Variants in PTPRS observed in about 807,000 individuals in gnomAD.
PTPRS encodes receptor-type tyrosine-protein phosphatase S.
In PTPRS, 63 loss-of-function variants were observed where a neutral mutation model predicts 215.3. That is an observed-to-expected ratio of 0.29 (90% CI 0.24 to 0.36). PTPRS has a LOEUF of 0.36. Among genes scored for constraint, PTPRS ranks in the 10% least tolerant of loss-of-function variants. The pLI, the probability that PTPRS is intolerant of heterozygous loss-of-function variation, is 1.00. For synonymous variants in PTPRS, 1,404 were observed against 1,191.4 expected, an observed-to-expected ratio of 1.18 and a Z score of -3.68; for missense variants, 2,258 against 2,825.8, an observed-to-expected ratio of 0.80 and a Z score of 4.56.
At position 5,228,370 on chromosome 19, in the gene PTPRS, G is replaced by A. The variant is rs2042707325; in HGVS notation, c.2376+946C>T. The stretch of plus-strand genomic sequence containing the variant: ...GAGAAAAAAAAAAAAAAAAGAGACA[G>A]GGTCTCCCTCTGCTGACCAGGCTGG... On this transcript the variant is annotated intron_variant, in intron 16 of 37. Transcript: ENST00000262963. Among the ~76,000 whole-genome samples the A allele has an allele frequency of 3.5e-5, 4 of 115,458 alleles. No individual in the cohort carries two copies. In the South Asian group the frequency reaches 9.8e-4, roughly 28 times the overall value. 75.7% of individuals were successfully genotyped at this position (115,458 alleles called of 152,430 possible). A position where few individuals can be genotyped will look rare whatever the true frequency, so the allele number is the denominator to read the frequency against.
At chr19:5,225,022 G>A (rs1287000852) in intron 17 of PTPRS, among the ~76,000 whole-genome samples, 1 of 151,588 alleles carries the variant, frequency 6.6e-6, no homozygotes, top group Non-Finnish European at 1.5e-5. Context: ...CACCCCCCAA[G>A]TCTTTTTCTG....
At chr19:5,277,055 G>GTTT (rs2047433954) in intron 2 of PTPRS, among the ~76,000 whole-genome samples, 1 of 107,380 alleles carries the variant, frequency 9.3e-6, no homozygotes, top group Admixed American at 1.2e-4. Context: ...GCTGAGTTTT[G>GTTT]TGTTTTTTTT....
intron 1 of PTPRS, among the ~76,000 whole-genome samples, chr19:5,326,059 T>C (rs1244775476): frequency 6.6e-6 from 1 of 152,090 alleles, no homozygotes; most frequent in Non-Finnish European, 1.5e-5. Context: ...GGTGAAACGC[T>C]GTCACTACCA....
rs2042834568 is a variant in PTPRS at position 5,229,532 on chromosome 19, C to T, written c.2308G>A (p.Gly770Arg). The change falls in exon 15 of 38, where the codon GGG (glycine) becomes AGG (arginine). Residue 770 changes from glycine (G) to arginine (R), a missense_variant. Physicochemically the swap from Gly to Arg is moderately radical, Grantham distance 125. Transcript: ENST00000262963. ...YVRMEGAEAR[G>R]PPRIKDVMLA... ...ATGACGTCCTTGATGCGCGGCGGCC[C>T]GCGGGCCTCGGCGCCCTCCATGCGC... The T allele has an allele frequency of 1.4e-6, 2 of 1,465,120 alleles. No individual in the cohort carries two copies. The highest frequency in any genetic ancestry group is 2.7e-5 in the South Asian group (2 of 74,922). The allele number at this position is 1,465,120 out of a possible 1,614,324, so 90.8% of individuals were successfully genotyped here.
intron 9 of PTPRS, among the ~76,000 whole-genome samples, chr19:5,251,221 C>T (rs1023875246): frequency 6.6e-6 from 1 of 152,068 alleles, no homozygotes; most frequent in African/African-American, 2.4e-5. Flanking sequence ...CCTCAGCCCA[C>T]CTGCGTATTT....
At chr19:5,305,771 T>A (rs1179896847) in intron 1 of PTPRS, among the ~76,000 whole-genome samples, 95 of 114,526 alleles carry the variant, frequency 8.3e-4, no homozygotes, top group Middle Eastern at 5.0e-3. Context: ...ATATATTTTT[T>A]TTTTAAAGGC....
chr19:5,299,288 CT>C lies in PTPRS; in HGVS notation c.-94-13055del, dbSNP rs372816131. On this transcript the variant is annotated intron_variant, in intron 1 of 37. Transcript: ENST00000262963. Reference sequence around the variant, plus strand: ...GCCCTCCATTCCTCCCTCTCTCCCCCTCACTCTGCTCCAGCTACATGGGCCT... The same window carrying C: ...GCCCTCCATTCCTCCCTCTCTCCCCCCACTCTGCTCCAGCTACATGGGCCT... Among the ~76,000 whole-genome samples, 410 of 152,378 alleles carry C rather than the reference CT, an allele frequency of 2.7e-3. 5 individuals are homozygous for C. The highest frequency in any genetic ancestry group is 9.5e-3 in the African/African-American group (395 of 41,590).
chr19:5,236,594 T>G (rs1273872869), intron 13 of PTPRS, among the ~76,000 whole-genome samples: 1 of 152,192 alleles, frequency 6.6e-6, no homozygotes, highest in Non-Finnish European at 1.5e-5. Context: ...TACTGAGTAC[T>G]TACTATGGAC....
chr19:5,231,998 GA>G (rs1237435365), intron 13 of PTPRS, among the ~76,000 whole-genome samples: 1 of 152,212 alleles, frequency 6.6e-6, no homozygotes, highest in Non-Finnish European at 1.5e-5. Context: ...GTGCCAAGGG[GA>G]ATAGCAACAG....
chr19:5,255,597 A>G (rs1013680922), intron 9 of PTPRS, among the ~76,000 whole-genome samples: 1 of 152,142 alleles, frequency 6.6e-6, no homozygotes, highest in Non-Finnish European at 1.5e-5. Context: ...AAAAAAGAAA[A>G]AAAAAAGAAA....
chr19:5,277,899 G>T, intron 2 of PTPRS: 1 of 1,222,494 alleles, frequency 8.2e-7, no homozygotes, highest in African/African-American at 1.5e-5. Flanking sequence ...AGATCTTGAT[G>T]CCCAACAGTG....
intron 1 of PTPRS, among the ~76,000 whole-genome samples, chr19:5,311,376 ACT>A (rs2049696824): frequency 6.6e-6 from 1 of 151,790 alleles, no homozygotes. Context: ...CTTCTCCGTC[ACT>A]CTGTTCCCAA....
chr19:5,318,376 T>C (rs1600112585), intron 1 of PTPRS, among the ~76,000 whole-genome samples: 1 of 149,438 alleles, frequency 6.7e-6, no homozygotes, highest in Admixed American at 6.7e-5. Context: ...GATGGAATGA[T>C]GACCGTGAAA....
intron 16 of PTPRS, 73 bp from the exon 17 acceptor site, chr19:5,225,917 T>C: frequency 7.8e-7 from 1 of 1,278,284 alleles, no homozygotes; most frequent in Non-Finnish European, 1.1e-6. Flanking sequence ...CTCCCCGTGC[T>C]GAGAACAAGC....
intron 1 of PTPRS, among the ~76,000 whole-genome samples, chr19:5,329,179 G>T (rs1160244174): frequency 6.6e-6 from 1 of 152,180 alleles, no homozygotes; most frequent in Non-Finnish European, 1.5e-5. Flanking sequence ...AGGCCTGGAG[G>T]TGGAAACAGG....
rs1354420865 is a variant in PTPRS, at chr19:5,216,508, TACACACCACAC to T, written c.4096+201_4096+211del. On this transcript the variant is annotated intron_variant, in intron 26 of 37. Coordinates refer to ENST00000262963, the MANE Select transcript of PTPRS (RefSeq NM_002850.4). ...CTCACCCACATCCCTGACACACACA[TACACACCACAC>T]ACACAGCAGTCACACACAGCCACCT... Among the ~76,000 whole-genome samples the T allele has an allele frequency of 4.9e-5, 7 of 143,766 alleles. No homozygotes were observed. In the East Asian group the frequency reaches 1.4e-3, roughly 28 times the overall value. 94.3% of individuals were successfully genotyped at this position (143,766 alleles called of 152,430 possible). A position where few individuals can be genotyped will look rare whatever the true frequency, so the allele number is the denominator to read the frequency against.
In PTPRS at chr19:5,257,494, G is replaced by A. The variant is rs1004781449; in HGVS notation, c.706+523C>T. 1.3e-5 allele frequency: 6 copies of A among 455,872 alleles called. No homozygotes were observed. Among genetic ancestry groups the A allele is most frequent in the African/African-American group, 6.0e-5 (3 of 50,052 alleles). 28.2% of individuals were successfully genotyped at this position (455,872 alleles called of 1,614,324 possible). A position where few individuals can be genotyped will look rare whatever the true frequency, so the allele number is the denominator to read the frequency against. On this transcript the variant is annotated intron_variant, in intron 8 of 37. Transcript: ENST00000262963. This position sits in a 1 kb window ranked among gnomAD's most constrained non-coding sequence, Gnocchi z 4.4. ...CGGACCAGCTGGTGGGGGGTGGGAG[G>A]GGCAGCCTCGAAGACCCCTCCTCAA...
intron 1 of PTPRS, among the ~76,000 whole-genome samples, chr19:5,324,587 G>A (rs1380929634): frequency 6.6e-6 from 1 of 152,216 alleles, no homozygotes; most frequent in Non-Finnish European, 1.5e-5. Context: ...GTTAAAGGGG[G>A]GAGGCCCCCA....
At chr19:5,276,718 T>C (rs1358279958) in intron 2 of PTPRS, among the ~76,000 whole-genome samples, 1 of 151,754 alleles carries the variant, frequency 6.6e-6, no homozygotes, top group Non-Finnish European at 1.5e-5. Flanking sequence ...TTTTTTTGTA[T>C]TTTTAGTAGA....
Sources: allele counts gnomAD v4.1 joint callset (sites outside exome capture counted in the v4.1 genomes callset), GRCh38; gene constraint gnomAD v4.1.1; non-coding constraint Gnocchi (gnomAD v3.1); transcripts MANE v1.5; gene names NCBI Gene and HGNC (gene_info 2026-07-23, HGNC 2026-07-21).